Variants in GSS observed in about 807,000 individuals in gnomAD.
GSS encodes glutathione synthetase.
Under a neutral mutation model 60.4 loss-of-function variants are expected in GSS, and 34 were observed. The observed-to-expected ratio is 0.56, with a 90% CI of 0.43 to 0.75. GSS has a LOEUF of 0.75. Among genes scored for constraint, GSS ranks in the 30% least tolerant of loss-of-function variants. GSS has a pLI of 0.00. For missense variants in GSS, 499 were observed against 595.1 expected, an observed-to-expected ratio of 0.84 and a Z score of 1.68; for synonymous variants, 224 against 239.0, an observed-to-expected ratio of 0.94 and a Z score of 0.58.
chr20:34,948,940 C>T (rs776570936), intron 2 of GSS, among the ~76,000 whole-genome samples: 2 of 152,178 alleles, frequency 1.3e-5, no homozygotes, highest in Non-Finnish European at 2.9e-5. Context: ...CAGAACTCTG[C>T]TCTAGCCAAT....
At chr20:34,946,158 T>G (rs2081521130) in intron 2 of GSS, 60 bp from the exon 3 acceptor site, 1 of 1,407,746 alleles carries the variant, frequency 7.1e-7, no homozygotes, top group South Asian at 1.2e-5. Context: ...GTTGTCTTCC[T>G]GCAAATGGAA....
rs1482081536 is a variant in GSS at position 34,942,474 on chromosome 20, C to G, written c.491+14G>C. ...CACCCCACAGGTATGCCGGGGGCTG[C>G]CCAGGGGACCCACCGGTGCACAGCT... On this transcript the variant is annotated intron_variant, in intron 5 of 12. Coordinates refer to ENST00000651619, the MANE Select transcript of GSS (RefSeq NM_000178.4). 1 of 1,611,606 alleles carries G rather than the reference C, an allele frequency of 6.2e-7. No homozygotes were observed. Among genetic ancestry groups the G allele is most frequent in the Non-Finnish European group, 8.5e-7 (1 of 1,178,824 alleles).
intron 9 of GSS, among the ~76,000 whole-genome samples, chr20:34,932,847 A>C (rs371600429): frequency 4.0e-5 from 6 of 151,852 alleles, no homozygotes; most frequent in South Asian, 2.1e-4. Flanking sequence ...ATTTTTGTTT[A>C]CTTTTTTTTT....
At chr20:34,947,617 CT>C (rs1253437273) in intron 2 of GSS, among the ~76,000 whole-genome samples, 4 of 152,062 alleles carry the variant, frequency 2.6e-5, no homozygotes, top group African/African-American at 9.7e-5. Flanking sequence ...TATATTTTCT[CT>C]TTTTTTCACC....
At chr20:34,940,279 G>A (rs978030918) in intron 6 of GSS, among the ~76,000 whole-genome samples, 3 of 152,290 alleles carry the variant, frequency 2.0e-5, no homozygotes, top group Middle Eastern at 3.4e-3. Flanking sequence ...TGACAGGCTG[G>A]CAGGCAAAAC....
chr20:34,936,979 A>C lies in GSS; in HGVS notation c.653T>G (p.Phe218Cys), dbSNP rs747011391. ...CTCATTCTCTATGGCACGCTGGTCA[A>C]ATATGTTTCTTTCCTTCTCTTGAGC... ...LIAQEKERNI[F>C]DQRAIENELL... is the part of the protein sequence containing the mutation. The change falls in exon 7 of 13, where the codon TTT (phenylalanine) becomes TGT (cysteine). Residue 218 changes from phenylalanine (F) to cysteine (C), a missense_variant. Physicochemically the swap from Phe to Cys is radical, Grantham distance 205. Coordinates refer to ENST00000651619, the MANE Select transcript of GSS (RefSeq NM_000178.4). The C allele has an allele frequency of 6.2e-7, 1 of 1,614,094 alleles. No homozygotes were observed. The highest frequency in any genetic ancestry group is 1.7e-5 in the Admixed American group (1 of 60,010).
intron 3 of GSS, among the ~76,000 whole-genome samples, chr20:34,945,699 C>A (rs1412507389): frequency 6.6e-6 from 1 of 152,118 alleles, no homozygotes; most frequent in East Asian, 1.9e-4. Context: ...TGGATTTAAG[C>A]CAGTCTCTTC....
intron 6 of GSS, among the ~76,000 whole-genome samples, chr20:34,939,965 C>T (rs896839563): frequency 4.6e-5 from 7 of 152,116 alleles, no homozygotes; most frequent in Admixed American, 3.9e-4. Flanking sequence ...CCACTGCACC[C>T]GGCCTATTAT....
At position 34,947,023 on chromosome 20, in the gene GSS, A is replaced by G. The variant is rs186384200; in HGVS notation, c.130-925T>C. On this transcript the variant is annotated intron_variant, in intron 2 of 12. Coordinates refer to ENST00000651619, the MANE Select transcript of GSS (RefSeq NM_000178.4). ...TGAGTTTAACCTTTGAGTTAATATC[A>G]GTTTGTCATTATGGTGGTATAAGTT... Among the ~76,000 whole-genome samples the G allele has an allele frequency of 6.6e-5, 10 of 152,306 alleles. No individual in the cohort carries two copies. In the East Asian group the frequency reaches 1.9e-3, roughly 29 times the overall value.
At chr20:34,953,776 C>T (rs997646216) in intron 1 of GSS, among the ~76,000 whole-genome samples, 3 of 151,948 alleles carry the variant, frequency 2.0e-5, no homozygotes, top group Admixed American at 2.0e-4. Flanking sequence ...CCACCATGCC[C>T]GGCTAATTTT....
rs140573772 is a variant in GSS, at chr20:34,934,824, T to A, written c.834+752A>T. 1.3e-4 allele frequency among the ~76,000 whole-genome samples: 20 copies of A among 152,314 alleles called. No individual in the cohort carries two copies. In the East Asian group the frequency reaches 3.7e-3, roughly 28 times the overall value. ...CTAGAAAGGGTCAGGAACTTGCCCATCATCACACAGAGGCAGTCAAGCTCA... is the reference window on the plus strand; with the variant it reads ...CTAGAAAGGGTCAGGAACTTGCCCAACATCACACAGAGGCAGTCAAGCTCA... On this transcript the variant is annotated intron_variant, in intron 9 of 12. Coordinates refer to ENST00000651619, the MANE Select transcript of GSS (RefSeq NM_000178.4).
At chr20:34,953,620 CTTTTT>C (rs748249699) in intron 1 of GSS, among the ~76,000 whole-genome samples, 1 of 108,894 alleles carries the variant, frequency 9.2e-6, no homozygotes. Context: ...CTCTTTCTTT[CTTTTT>C]TTTTTTTTTT....
intron 3 of GSS, among the ~76,000 whole-genome samples, chr20:34,944,455 G>A (rs1223187158): frequency 6.6e-6 from 1 of 152,084 alleles, no homozygotes; most frequent in Non-Finnish European, 1.5e-5. Context: ...TTGGGTTTTT[G>A]GCTACAAGTC....
At chr20:34,940,760 G>T (rs1037175997) in intron 6 of GSS, among the ~76,000 whole-genome samples, 1 of 152,166 alleles carries the variant, frequency 6.6e-6, no homozygotes, top group African/African-American at 2.4e-5. Context: ...GCCCCTCGAT[G>T]ATCTGAAAAT....
intron 1 of GSS, chr20:34,952,119 G>A (rs995937817): frequency 2.4e-5 from 12 of 506,406 alleles, no homozygotes; most frequent in Non-Finnish European, 4.4e-5. Context: ...TCACAGTAAG[G>A]AAGCAGAGGC....
chr20:34,945,315 G>A (rs1265196806), intron 3 of GSS, among the ~76,000 whole-genome samples: 5 of 150,530 alleles, frequency 3.3e-5, no homozygotes, highest in South Asian at 2.1e-4. Context: ...GAGCCACCGC[G>A]CCCAGCCTAT....
chr20:34,945,374 G>T (rs2081512698), intron 3 of GSS, among the ~76,000 whole-genome samples: 2 of 120,678 alleles, frequency 1.7e-5, no homozygotes, highest in African/African-American at 7.2e-5. Flanking sequence ...AATTGCCCCA[G>T]AATCTGAAGA....
intron 6 of GSS, among the ~76,000 whole-genome samples, chr20:34,941,354 CAA>C (rs11349896): frequency 1.0e-3 from 124 of 118,698 alleles, no homozygotes; most frequent in Admixed American, 1.4e-3. Flanking sequence ...GACTCTGTCT[CAA>C]AAAAAAAAAA....
Position 34,932,064 on chromosome 20 carries a change from C to A in GSS, c.904G>T (p.Ala302Ser). ...TCCTGCTGCACCTTCTTAGTCCCAGCCAGCTGGGTGGCAATGTCTGGGCAC... is the reference window on the plus strand; with the variant it reads ...TCCTGCTGCACCTTCTTAGTCCCAGACAGCTGGGTGGCAATGTCTGGGCAC... ...AKCPDIATQLAGTKKVQQELS... is the reference protein window; with the variant it reads ...AKCPDIATQLSGTKKVQQELS... Residue 302 changes from alanine (A) to serine (S), a missense_variant, in exon 10 of 13, where the codon GCT becomes TCT. Ala to Ser is a moderately conservative substitution (Grantham distance 99). Coordinates refer to ENST00000651619, the MANE Select transcript of GSS (RefSeq NM_000178.4). 1 of 1,614,162 alleles carries A rather than the reference C, an allele frequency of 6.2e-7. No individual in the cohort carries two copies. The highest frequency in any genetic ancestry group is 1.3e-5 in the African/African-American group (1 of 75,060).
Sources: gnomAD v4.1 joint callset for allele counts (sites outside exome capture counted in the v4.1 genomes callset) on GRCh38, gnomAD v4.1.1 for gene constraint, MANE v1.5 for transcripts, NCBI Gene and HGNC (gene_info 2026-07-23, HGNC 2026-07-21) for gene names.